OSBP2: variants seen among roughly 807,000 people sequenced by gnomAD.
The protein encoded by OSBP2 is oxysterol-binding protein 2.
In OSBP2, 66 loss-of-function variants were observed where a neutral mutation model predicts 96.0. The observed-to-expected ratio is 0.69, with a 90% CI of 0.56 to 0.84. The LOEUF (loss-of-function observed/expected upper bound fraction) is 0.84, where lower values mean the gene tolerates loss of function less well. Ranked by LOEUF, OSBP2 falls within the 40% of genes least tolerant of loss-of-function variation. The pLI is 0.00. For synonymous variants in OSBP2, 525 were observed against 520.9 expected, an observed-to-expected ratio of 1.01 and a Z score of -0.11; for missense variants, 1,038 against 1,222.7, an observed-to-expected ratio of 0.85 and a Z score of 2.25.
Position 30,694,915 on chromosome 22 carries a change from G to T in OSBP2, c.6G>T (p.Gly2=). Residue 2 remains glycine, a synonymous_variant, in exon 1 of 14, where the codon GGG becomes GGT. Coordinates refer to ENST00000332585, the MANE Select transcript of OSBP2 (RefSeq NM_030758.4). M[G]KAAAPSRGGG... The stretch of plus-strand genomic sequence containing the variant: ...CGCGCGGGTCGGCCGGCTCTATGGG[G>T]AAAGCGGCGGCTCCGAGCCGAGGCG... 1 of 1,422,280 alleles carries T rather than the reference G, an allele frequency of 7.0e-7. No individual in the cohort carries two copies. Among genetic ancestry groups the T allele is most frequent in the East Asian group, 2.9e-5 (1 of 34,784 alleles). 88.1% of individuals were successfully genotyped at this position (1,422,280 alleles called of 1,614,324 possible).
chr22:30,763,485 A>C, intron 2 of OSBP2, among the ~76,000 whole-genome samples: 1 of 152,144 alleles, frequency 6.6e-6, no homozygotes, highest in Non-Finnish European at 1.5e-5. Context: ...GTTTCTACTG[A>C]AAATACAAAA....
chr22:30,898,632 AACTC>A (rs1484220329), intron 12 of OSBP2, among the ~76,000 whole-genome samples: 22 of 152,120 alleles, frequency 1.4e-4, no homozygotes, highest in East Asian at 9.7e-4. Flanking sequence ...ATCTAGTGAG[AACTC>A]ACTCACTATC....
chr22:30,849,961 T>A (rs1045520619), intron 2 of OSBP2, among the ~76,000 whole-genome samples: 4 of 152,202 alleles, frequency 2.6e-5, no homozygotes, highest in Non-Finnish European at 2.9e-5. Flanking sequence ...CTATTTTTTT[T>A]AAATGAAGCT....
At chr22:30,855,230 G>C (rs1230049401) in intron 2 of OSBP2, among the ~76,000 whole-genome samples, 2 of 152,152 alleles carry the variant, frequency 1.3e-5, no homozygotes, top group Non-Finnish European at 2.9e-5. Context: ...CTTCTAACAG[G>C]CTATATAGTT....
chr22:30,849,070 C>G (rs2038926442), intron 2 of OSBP2, among the ~76,000 whole-genome samples: 1 of 151,974 alleles, frequency 6.6e-6, no homozygotes, highest in Non-Finnish European at 1.5e-5. Context: ...ACTTTGAGAC[C>G]AGCCTGGCCA....
In OSBP2 at chr22:30,889,151, A is replaced by G; in HGVS notation, c.1419-26A>G. On this transcript the variant is annotated intron_variant, in intron 5 of 13. Coordinates refer to ENST00000332585, the MANE Select transcript of OSBP2 (RefSeq NM_030758.4). ...AAGGAGACCTCGGGATTCATTAGTA[A>G]CTTGCCTCCCGCTTTGTATTTCCAG... 1.9e-6 allele frequency: 3 copies of G among 1,608,164 alleles called. No individual in the cohort carries two copies. In the South Asian group the frequency reaches 3.3e-5, roughly 18 times the overall value.
chr22:30,822,459 A>C, intron 2 of OSBP2: 17 of 1,245,534 alleles, frequency 1.4e-5, no homozygotes, highest in Non-Finnish European at 1.6e-5. Flanking sequence ...TAACGCGCTC[A>C]TGTACCGGGT....
At chr22:30,854,900 C>T (rs964535583) in intron 2 of OSBP2, among the ~76,000 whole-genome samples, 2 of 152,186 alleles carry the variant, frequency 1.3e-5, no homozygotes, top group African/African-American at 4.8e-5. Context: ...AACTTACAGT[C>T]GTGGTGGAAG....
chr22:30,860,735 C>A (rs946964110), intron 2 of OSBP2, among the ~76,000 whole-genome samples: 1 of 152,216 alleles, frequency 6.6e-6, no homozygotes, highest in Non-Finnish European at 1.5e-5. Flanking sequence ...TCGAGGCAAC[C>A]CTGTGGGAAC....
At chr22:30,708,206 G>A (rs2089287176) in intron 1 of OSBP2, among the ~76,000 whole-genome samples, 1 of 152,004 alleles carries the variant, frequency 6.6e-6, no homozygotes, top group African/African-American at 2.4e-5. Flanking sequence ...CCTTTTCTAA[G>A]GCTTACATGA....
chr22:30,805,773 G>A (rs965574138), intron 2 of OSBP2, among the ~76,000 whole-genome samples: 4 of 152,152 alleles, frequency 2.6e-5, no homozygotes, highest in Non-Finnish European at 4.4e-5. Flanking sequence ...TGGGTCTGTT[G>A]TCATCCAGGA....
At chr22:30,828,570 A>G (rs2038453860) in intron 2 of OSBP2, among the ~76,000 whole-genome samples, 1 of 152,210 alleles carries the variant, frequency 6.6e-6, no homozygotes, top group African/African-American at 2.4e-5. Context: ...CTCTGAGGAA[A>G]GGCATTGCGA....
intron 3 of OSBP2, among the ~76,000 whole-genome samples, chr22:30,884,315 G>A (rs1250523294): frequency 2.0e-5 from 3 of 152,138 alleles, no homozygotes; most frequent in East Asian, 1.9e-4. Context: ...GAATTTTGCC[G>A]GATGAGCGGA....
intron 12 of OSBP2, among the ~76,000 whole-genome samples, chr22:30,900,709 C>A (rs1214491322): frequency 1.3e-5 from 2 of 151,992 alleles, no homozygotes; most frequent in Non-Finnish European, 2.9e-5. Context: ...CAAATGAATC[C>A]CTATGGAAAA....
intron 2 of OSBP2, among the ~76,000 whole-genome samples, chr22:30,753,442 C>T (rs1185189681): frequency 6.6e-6 from 1 of 152,148 alleles, no homozygotes; most frequent in Non-Finnish European, 1.5e-5. Flanking sequence ...CAGCATCCCT[C>T]AGCCTGGGAG....
At chr22:30,751,726 C>T (rs933054074) in intron 2 of OSBP2, among the ~76,000 whole-genome samples, 1 of 152,148 alleles carries the variant, frequency 6.6e-6, no homozygotes, top group Non-Finnish European at 1.5e-5. Flanking sequence ...CGCCCACAGC[C>T]GGTGGCAGGA....
At position 30,893,225 on chromosome 22, in the gene OSBP2, T is replaced by C; in HGVS notation, c.1973T>C (p.Ile658Thr). Residue 658 changes from isoleucine to threonine, a missense_variant, in exon 9 of 14, where the codon ATC becomes ACC. By Grantham distance (89) the Ile-to-Thr change is moderately conservative (BLOSUM62 -1). Coordinates refer to ENST00000332585, the MANE Select transcript of OSBP2 (RefSeq NM_030758.4). The stretch of plus-strand genomic sequence containing the variant: ...TCCAGCAAGTTCCGGGGAAAATACA[T>C]CTCCATCATGCCGCTAGGTGAGCTG... ...TISSKFRGKYISIMPLGAIHL... is the reference protein window; with the variant it reads ...TISSKFRGKYTSIMPLGAIHL... 1 of 1,614,016 alleles carries C rather than the reference T, an allele frequency of 6.2e-7. No individual in the cohort carries two copies. The highest frequency in any genetic ancestry group is 8.5e-7 in the Non-Finnish European group (1 of 1,179,968).
chr22:30,883,421 C>G (rs1258819138), intron 3 of OSBP2, among the ~76,000 whole-genome samples: 4 of 152,246 alleles, frequency 2.6e-5, no homozygotes, highest in Non-Finnish European at 5.9e-5. Context: ...CTCACTTGCA[C>G]TCTGAGCCTT....
chr22:30,875,920 T>TA (rs1298897700), intron 3 of OSBP2, among the ~76,000 whole-genome samples: 1 of 152,238 alleles, frequency 6.6e-6, no homozygotes, highest in African/African-American at 2.4e-5. Context: ...AGCAAACTCT[T>TA]AAAGTGACAG....
Sources: allele counts gnomAD v4.1 joint callset (sites outside exome capture counted in the v4.1 genomes callset), GRCh38; gene constraint gnomAD v4.1.1; transcripts MANE v1.5; gene names NCBI Gene and HGNC (gene_info 2026-07-23, HGNC 2026-07-21).